VPS13D: variants seen among roughly 807,000 people sequenced by gnomAD.
VPS13D encodes vacuolar protein sorting 13 homolog D.
In VPS13D, 187 loss-of-function variants were observed where a neutral mutation model predicts 461.9. The ratio of observed to expected loss-of-function variants is 0.40; its 90% CI spans 0.36 to 0.46. VPS13D has a LOEUF of 0.46. Among genes scored for constraint, VPS13D ranks in the 20% least tolerant of loss-of-function variants. The pLI, the probability that VPS13D is intolerant of heterozygous loss-of-function variation, is 0.60. For synonymous variants in VPS13D, 1,951 were observed against 1,986.3 expected (o/e 0.98, Z 0.47); for missense variants, 4,711 against 5,364.9 (o/e 0.88, Z 3.81).
At position 12,277,381 on chromosome 1, in the gene VPS13D, G is replaced by T. The variant is rs1317415883; in HGVS notation, c.3793G>T (p.Ala1265Ser). The change falls in exon 19 of 70, where the codon GCC becomes TCC. Residue 1265 changes from alanine to serine, a missense_variant. This residue lies in a region of VPS13D where 4,411 missense variants were observed against 4,937.8 expected (regional missense o/e 0.89). Transcript: ENST00000620676. ...ESVFVRMEDA[A>S]LTEALSFTFV... ...TGTGTTTGTCAGAATGGAAGATGCA[G>T]CCCTCACTGAAGCTTTGAGTTTCAC... 5.0e-6 allele frequency: 8 copies of T among 1,614,084 alleles called. No individual in the cohort carries two copies. The Admixed American group carries it at 1.3e-4, about 27-fold the overall frequency.
At chr1:12,370,067 T>G (rs1644095393) in intron 54 of VPS13D, among the ~76,000 whole-genome samples, 1 of 152,178 alleles carries the variant, frequency 6.6e-6, no homozygotes, top group Non-Finnish European at 1.5e-5. Context: ...CCTCCCACCA[T>G]CCCATTGAGA....
At chr1:12,359,793 A>G (rs1643923738) in intron 50 of VPS13D, among the ~76,000 whole-genome samples, 1 of 152,214 alleles carries the variant, frequency 6.6e-6, no homozygotes, top group South Asian at 2.1e-4. Flanking sequence ...AAGATTTTTA[A>G]AAGAAAGAAA....
rs141159877 is a variant in VPS13D, at chr1:12,431,480, C to T, written c.12333+14653C>T. Among the ~76,000 whole-genome samples the T allele has an allele frequency of 3.4e-3, 507 of 150,162 alleles. 5 individuals are homozygous for T. The highest frequency in any genetic ancestry group is 7.8e-3 in the East Asian group (40 of 5,154). On this transcript the variant is annotated intron_variant, in intron 65 of 69. Coordinates refer to ENST00000620676, the MANE Select transcript of VPS13D (RefSeq NM_015378.4). Reference sequence around the variant, plus strand: ...TCTAGTATGATTGTTGAGACTGGGCCGGCAGCTTGTGGGCACCTGCTTGGT... The same window carrying T: ...TCTAGTATGATTGTTGAGACTGGGCTGGCAGCTTGTGGGCACCTGCTTGGT...
At chr1:12,460,488 C>T in intron 67 of VPS13D, 92 bp downstream of exon 67, 1 of 1,190,236 alleles carries the variant, frequency 8.4e-7, no homozygotes, top group Non-Finnish European at 1.1e-6. Flanking sequence ...TGTGCACTTT[C>T]TTAGTTATAG....
chr1:12,352,792 C>T (rs375309393), intron 46 of VPS13D, among the ~76,000 whole-genome samples: 5 of 151,670 alleles, frequency 3.3e-5, no homozygotes, highest in Non-Finnish European at 7.4e-5. Context: ...GGTAAAACCC[C>T]GTCTCTACTA....
intron 22 of VPS13D, among the ~76,000 whole-genome samples, chr1:12,289,008 A>G (rs2101412805): frequency 6.6e-6 from 1 of 152,044 alleles, no homozygotes; most frequent in Non-Finnish European, 1.5e-5. Flanking sequence ...TGCCCAACTA[A>G]TTTTTGTATT....
At chr1:12,253,260 G>C (rs570543126) in intron 6 of VPS13D, among the ~76,000 whole-genome samples, 1 of 152,134 alleles carries the variant, frequency 6.6e-6, no homozygotes, top group African/African-American at 2.4e-5. Context: ...GTACAGGGAG[G>C]ATATATGGGT....
At chr1:12,459,567 C>T (rs1188889049) in intron 66 of VPS13D, among the ~76,000 whole-genome samples, 1 of 151,468 alleles carries the variant, frequency 6.6e-6, no homozygotes, top group Non-Finnish European at 1.5e-5. Context: ...CAACCTCTGC[C>T]TCCTGGGTTC....
intron 46 of VPS13D, among the ~76,000 whole-genome samples, chr1:12,352,736 G>A (rs1643823058): frequency 6.6e-6 from 1 of 151,904 alleles, no homozygotes; most frequent in South Asian, 2.1e-4. Flanking sequence ...AGGCCAAGGT[G>A]GGGGATCACC....
chr1:12,422,370 C>T (rs953421965), intron 65 of VPS13D, among the ~76,000 whole-genome samples: 3 of 152,008 alleles, frequency 2.0e-5, no homozygotes, highest in Admixed American at 2.0e-4. Flanking sequence ...TGGTAGTTTT[C>T]TCTTTTGCTT....
rs1302622461 is a variant in VPS13D, at chr1:12,311,452, A to T, written c.6651-2A>T. On this transcript the variant is annotated splice_acceptor_variant, in intron 27 of 69. Coordinates refer to ENST00000620676, the MANE Select transcript of VPS13D (RefSeq NM_015378.4). LOFTEE classifies it high-confidence loss of function. ...GTAAGTGATCTTTTTTCTTTTTCAT[A>T]GAGAAATAAGTCATACTGTGCCAGA... 5.0e-6 allele frequency: 8 copies of T among 1,592,534 alleles called. No individual in the cohort carries two copies. In the Admixed American group the frequency reaches 1.1e-4, roughly 22 times the overall value.
intron 30 of VPS13D, among the ~76,000 whole-genome samples, chr1:12,316,949 G>A (rs934531459): frequency 1.3e-5 from 2 of 152,050 alleles, no homozygotes; most frequent in Non-Finnish European, 2.9e-5. Context: ...GAGAGTCCTC[G>A]CTGGGTTTTC....
chr1:12,334,534 A>C (rs1643404119), intron 38 of VPS13D, among the ~76,000 whole-genome samples: 1 of 152,254 alleles, frequency 6.6e-6, no homozygotes, highest in Non-Finnish European at 1.5e-5. Flanking sequence ...CGAGAAGCCA[A>C]GATGGGAAGC....
chr1:12,457,254 G>A lies in VPS13D; in HGVS notation c.12466+1124G>A, dbSNP rs538439164. ...CAGCTATGTACTGCTTCCCAGGTGT[G>A]CTTCCAAGTCCTTGCTCACACATGG... is the stretch of plus-strand genomic sequence containing the variant. On this transcript the variant is annotated intron_variant, in intron 66 of 69. Transcript: ENST00000620676. Among the ~76,000 whole-genome samples, 3 of 152,296 alleles carry A rather than the reference G, an allele frequency of 2.0e-5. No homozygotes were observed. The South Asian group carries it at 6.2e-4, about 32-fold the overall frequency.
In VPS13D at chr1:12,283,435, G is replaced by A. The variant is rs775151374; in HGVS notation, c.5333G>A (p.Ser1778Asn). The change falls in exon 21 of 70, where the codon AGT becomes AAT. Residue 1778 changes from serine to asparagine, a missense_variant. Ser to Asn is a conservative substitution (Grantham distance 46, BLOSUM62 1). Coordinates refer to ENST00000620676, the MANE Select transcript of VPS13D (RefSeq NM_015378.4). ...GAGCCCAAGATACTTGTTGGAAAGA[G>A]TAAATTTGATGATTCCTTAGTCCAC... ...VDEPKILVGK[S>N]KFDDSLVHIN... 20 of 1,614,122 alleles carry A rather than the reference G, an allele frequency of 1.2e-5. No homozygotes were observed. The Middle Eastern group carries it at 1.3e-3, about 106-fold the overall frequency.
intron 6 of VPS13D, 74 bp from the exon 7 acceptor site, chr1:12,253,648 A>G (rs1397836027): frequency 4.3e-6 from 5 of 1,172,498 alleles, no homozygotes; most frequent in African/African-American, 3.0e-5. Flanking sequence ...TTCTTTACAA[A>G]TGGTTTGTTG....
intron 67 of VPS13D, among the ~76,000 whole-genome samples, chr1:12,481,124 C>A (rs1645709930): frequency 6.6e-6 from 1 of 152,214 alleles, no homozygotes; most frequent in Non-Finnish European, 1.5e-5. Context: ...CTCAGAGAAG[C>A]ATGACAGGAA....
rs567971570 is a variant in VPS13D at position 12,320,721 on chromosome 1, G to T, written c.7549-1088G>T. ...AATCTTGCTGATTGATTAATGAACTGTCAGGTACAATTGGGTTTTGTGTAG... is the reference window on the plus strand; with the variant it reads ...AATCTTGCTGATTGATTAATGAACTTTCAGGTACAATTGGGTTTTGTGTAG... On this transcript the variant is annotated intron_variant, in intron 32 of 69. Transcript: ENST00000620676. Among the ~76,000 whole-genome samples the T allele has an allele frequency of 1.6e-4, 24 of 152,310 alleles. No individual in the cohort carries two copies. In the South Asian group the frequency reaches 5.0e-3, roughly 32 times the overall value.
At chr1:12,347,269 C>CA (rs1187550492) in intron 44 of VPS13D, among the ~76,000 whole-genome samples, 2 of 152,050 alleles carry the variant, frequency 1.3e-5, no homozygotes, top group Non-Finnish European at 2.9e-5. Flanking sequence ...CCCCCGGGTT[C>CA]AAGCAATTCT....
Sources: allele counts gnomAD v4.1 joint callset (sites outside exome capture counted in the v4.1 genomes callset), GRCh38; gene constraint gnomAD v4.1.1; regional missense constraint gnomAD v4.1.1; transcripts MANE v1.5; gene names NCBI Gene and HGNC (gene_info 2026-07-23, HGNC 2026-07-21).